PEX14: variants seen among roughly 807,000 people sequenced by gnomAD.
The protein encoded by PEX14 is peroxisomal biogenesis factor 14, also known as peroxisomal membrane protein PEX14.
PEX14 carries 15 observed loss-of-function variants against 49.5 expected under a neutral mutation model. The ratio of observed to expected loss-of-function variants is 0.30; its 90% CI spans 0.20 to 0.47. PEX14 has a LOEUF of 0.47. Ranked by LOEUF, PEX14 falls within the 20% of genes least tolerant of loss-of-function variation. The pLI is 1.00. For synonymous variants in PEX14, 210 were observed against 212.7 expected, an observed-to-expected ratio of 0.99 and a Z score of 0.11; for missense variants, 398 against 494.8, an observed-to-expected ratio of 0.80 and a Z score of 1.86.
chr1:10,586,193 A>T (rs1438678460), intron 3 of PEX14, among the ~76,000 whole-genome samples: 1 of 152,230 alleles, frequency 6.6e-6, no homozygotes, highest in East Asian at 1.9e-4. Context: ...CGCTGTACTC[A>T]ATGAAGATGA....
At chr1:10,548,096 C>T (rs1639227389) in intron 3 of PEX14, among the ~76,000 whole-genome samples, 1 of 151,952 alleles carries the variant, frequency 6.6e-6, no homozygotes, top group Admixed American at 6.6e-5. Flanking sequence ...GCATGCCTGT[C>T]ATCCCAGCTA....
intron 2 of PEX14, among the ~76,000 whole-genome samples, chr1:10,516,643 CT>C (rs1641975103): frequency 2.0e-5 from 3 of 152,228 alleles, no homozygotes; most frequent in Admixed American, 6.5e-5. Context: ...GGTCTCCCAG[CT>C]AACATGGGTA....
chr1:10,610,398 C>CACACACACAT lies in PEX14; in HGVS notation c.299-7933_299-7932insCACACACATA, dbSNP rs70997260. 4.6e-4 allele frequency among the ~76,000 whole-genome samples: 65 copies of CACACACACAT among 140,704 alleles called. No homozygotes were observed. In the Middle Eastern group the frequency reaches 0.011, roughly 23 times the overall value. The allele number at this position is 140,704 out of a possible 152,430, so 92.3% of individuals were successfully genotyped here. On this transcript the variant is annotated intron_variant, in intron 4 of 8. Coordinates refer to ENST00000356607, the MANE Select transcript of PEX14 (RefSeq NM_004565.3). The stretch of plus-strand genomic sequence containing the variant: ...ACACACACACACACACACACACACA[C>CACACACACAT]ATATATATATACACAGAGAGAGAGA...
At chr1:10,491,883 A>G (rs570210451) in intron 1 of PEX14, among the ~76,000 whole-genome samples, 1 of 151,742 alleles carries the variant, frequency 6.6e-6, no homozygotes, top group Non-Finnish European at 1.5e-5. Context: ...GGGTTTCGCC[A>G]TGTTGGCCAG....
intron 1 of PEX14, among the ~76,000 whole-genome samples, chr1:10,486,550 C>T (rs1315391692): frequency 1.3e-5 from 2 of 151,716 alleles, no homozygotes; most frequent in Non-Finnish European, 2.9e-5. Flanking sequence ...GACATGGTGG[C>T]ACATACCTGG....
intron 3 of PEX14, among the ~76,000 whole-genome samples, chr1:10,574,910 G>A (rs1640077603): frequency 6.6e-6 from 1 of 152,048 alleles, no homozygotes; most frequent in Non-Finnish European, 1.5e-5. Flanking sequence ...AGGAGTTCGA[G>A]ACCAGCCTGG....
intron 3 of PEX14, among the ~76,000 whole-genome samples, chr1:10,586,534 T>G (rs1295849772): frequency 1.3e-5 from 2 of 149,810 alleles, no homozygotes; most frequent in Middle Eastern, 3.5e-3. Context: ...TTTTACTGTA[T>G]AAGACTACAA....
At chr1:10,501,389 C>T (rs1235137872) in intron 2 of PEX14, among the ~76,000 whole-genome samples, 10 of 152,158 alleles carry the variant, frequency 6.6e-5, no homozygotes, top group African/African-American at 9.7e-5. Flanking sequence ...ACTGCAGGCT[C>T]TGCCCCCCAG....
chr1:10,627,411 G>C lies in PEX14; in HGVS notation c.677+48G>C, dbSNP rs770534128. 30 of 1,327,688 alleles carry C rather than the reference G, an allele frequency of 2.3e-5. No individual in the cohort carries two copies. In the East Asian group the frequency reaches 6.0e-4, roughly 26 times the overall value. The allele number at this position is 1,327,688 out of a possible 1,614,324, so 82.2% of individuals were successfully genotyped here. On this transcript the variant is annotated intron_variant, in intron 8 of 8. Coordinates refer to ENST00000356607, the MANE Select transcript of PEX14 (RefSeq NM_004565.3). ...CTGTTCTGGTCGGGCCTGGAAAGGA[G>C]GACTGGGAGCTCTGGGGCATGGGAG... is the stretch of plus-strand genomic sequence containing the variant.
chr1:10,485,914 C>A (rs546186976), intron 1 of PEX14, among the ~76,000 whole-genome samples: 1 of 148,888 alleles, frequency 6.7e-6, no homozygotes, highest in Admixed American at 6.6e-5. Flanking sequence ...CGCCACCACG[C>A]CTGGCTAATT....
chr1:10,624,683 G>A (rs1641694597), intron 7 of PEX14, among the ~76,000 whole-genome samples: 1 of 152,170 alleles, frequency 6.6e-6, no homozygotes, highest in Non-Finnish European at 1.5e-5. Flanking sequence ...CCTCCCAACA[G>A]GAGGAAGGAA....
intron 2 of PEX14, among the ~76,000 whole-genome samples, chr1:10,520,333 AT>A (rs1228931257): frequency 3.3e-5 from 5 of 151,326 alleles, no homozygotes; most frequent in Non-Finnish European, 7.4e-5. Context: ...TAATTTTTAA[AT>A]TTTTTGAAGA....
chr1:10,582,614 G>A (rs535921741), intron 3 of PEX14, among the ~76,000 whole-genome samples: 4 of 152,200 alleles, frequency 2.6e-5, no homozygotes, highest in Admixed American at 1.3e-4. Context: ...TGGAACATCA[G>A]GGGTGGAAGA....
At chr1:10,487,060 TG>T (rs1641382207) in intron 1 of PEX14, among the ~76,000 whole-genome samples, 1 of 152,178 alleles carries the variant, frequency 6.6e-6, no homozygotes, top group Non-Finnish European at 1.5e-5. Flanking sequence ...TCTATTGAGT[TG>T]ATCCTTTTGT....
In PEX14 at chr1:10,512,297, A is replaced by C. The variant is rs934108615; in HGVS notation, c.84+16976A>C. ...TAAGGACTAGAGCTCTCAGACCAGGACTTTCTGGATCTTTTTTTCTGATAC... is the reference window on the plus strand; with the variant it reads ...TAAGGACTAGAGCTCTCAGACCAGGCCTTTCTGGATCTTTTTTTCTGATAC... On this transcript the variant is annotated intron_variant, in intron 2 of 8. Transcript: ENST00000356607. The surrounding 1 kb of genome is among the most constrained non-coding windows in gnomAD (Gnocchi z 4.6). 2.0e-5 allele frequency among the ~76,000 whole-genome samples: 3 copies of C among 152,016 alleles called. No individual in the cohort carries two copies. Among genetic ancestry groups the C allele is most frequent in the Non-Finnish European group, 1.5e-5 (1 of 68,002 alleles).
At chr1:10,531,728 G>A (rs867893786) in intron 2 of PEX14, among the ~76,000 whole-genome samples, 4 of 152,152 alleles carry the variant, frequency 2.6e-5, no homozygotes, top group Non-Finnish European at 4.4e-5. Flanking sequence ...AGATGTGTAT[G>A]TAGTACACAG....
intron 2 of PEX14, among the ~76,000 whole-genome samples, chr1:10,508,755 T>C (rs1184618917): frequency 3.9e-5 from 6 of 152,216 alleles, no homozygotes; most frequent in Non-Finnish European, 8.8e-5. Context: ...GAGGTTTATT[T>C]AGGATTAGCT....
chr1:10,609,249 A>C (rs1208169153), intron 4 of PEX14, among the ~76,000 whole-genome samples: 1 of 152,202 alleles, frequency 6.6e-6, no homozygotes, highest in Non-Finnish European at 1.5e-5. Flanking sequence ...GTGTGGACAT[A>C]CGTTTTCATT....
Position 10,564,149 on chromosome 1 carries a change from C to T in PEX14, c.169+27852C>T, listed in dbSNP as rs530884602. Among the ~76,000 whole-genome samples, 10 of 148,774 alleles carry T rather than the reference C, an allele frequency of 6.7e-5. No individual in the cohort carries two copies. In the South Asian group the frequency reaches 1.9e-3, roughly 29 times the overall value. On this transcript the variant is annotated intron_variant, in intron 3 of 8. Transcript: ENST00000356607. ...ATCTTTGAATATTCGGCCTGATTGC[C>T]TTGTTAGTTTTACAAAATTATTAAT...
Sources: gnomAD v4.1 joint callset for allele counts (sites outside exome capture counted in the v4.1 genomes callset) on GRCh38, gnomAD v4.1.1 for gene constraint, Gnocchi (gnomAD v3.1) non-coding constraint, MANE v1.5 for transcripts, NCBI Gene and HGNC (gene_info 2026-07-23, HGNC 2026-07-21) for gene names.